Variants in ITGA1 observed in about 807,000 individuals in gnomAD.
ITGA1 encodes the protein integrin subunit alpha 1.
In ITGA1, 85 loss-of-function variants were observed where a neutral mutation model predicts 145.9. That is an observed-to-expected ratio of 0.58 (90% CI 0.49 to 0.70). The LOEUF (loss-of-function observed/expected upper bound fraction) is 0.70. ITGA1 is among the 30% of genes least tolerant of loss of function. The pLI is 0.00. For missense variants in ITGA1, 1,351 were observed against 1,418.7 expected, an observed-to-expected ratio of 0.95 and a Z score of 0.77; for synonymous variants, 520 against 495.3, an observed-to-expected ratio of 1.05 and a Z score of -0.66.
intron 1 of ITGA1, chr5:52,801,212 A>G (rs1561212066): frequency 7.5e-7 from 1 of 1,325,058 alleles, no homozygotes; most frequent in Non-Finnish European, 1.0e-6. Context: ...AAATAAGAAG[A>G]GAAAGTCTTT....
intron 13 of ITGA1, among the ~76,000 whole-genome samples, chr5:52,909,581 T>G (rs975834355): frequency 6.6e-6 from 1 of 152,192 alleles, no homozygotes; most frequent in Admixed American, 6.6e-5. Context: ...AAAGCCAGTG[T>G]TTATCTATTT....
chr5:52,950,503 A>G (rs991706269), intron 28 of ITGA1, among the ~76,000 whole-genome samples: 2 of 152,208 alleles, frequency 1.3e-5, no homozygotes, highest in African/African-American at 2.4e-5. Context: ...ACAAGGGATC[A>G]TGAAGCAAAC....
chr5:52,873,509 T>A (rs1396746830), intron 6 of ITGA1, among the ~76,000 whole-genome samples: 1 of 152,226 alleles, frequency 6.6e-6, no homozygotes, highest in Non-Finnish European at 1.5e-5. Flanking sequence ...TAGGAAATAA[T>A]CATCTACCTG....
At position 52,925,506 on chromosome 5, in the gene ITGA1, A is replaced by G. The variant is rs1579723634; in HGVS notation, c.2613+19A>G. On this transcript the variant is annotated intron_variant, in intron 19 of 28. Transcript: ENST00000282588. ...AATTGAGGTAAACTTCCAGTTTTTC[A>G]TTTATTTGTTCTCTTAACATCATTT... 1.3e-6 allele frequency: 2 copies of G among 1,561,050 alleles called. No individual in the cohort carries two copies. The highest frequency in any genetic ancestry group is 1.8e-6 in the Non-Finnish European group (2 of 1,132,190).
chr5:52,840,299 T>C (rs539818236), intron 1 of ITGA1, among the ~76,000 whole-genome samples: 1 of 152,324 alleles, frequency 6.6e-6, no homozygotes, highest in African/African-American at 2.4e-5. Context: ...CCCTGCTTTG[T>C]TTTGAAGCGT....
intron 9 of ITGA1, among the ~76,000 whole-genome samples, chr5:52,896,193 C>A (rs1750220809): frequency 6.6e-6 from 1 of 152,124 alleles, no homozygotes; most frequent in African/African-American, 2.4e-5. Context: ...ATATAGTGGT[C>A]TATTACCATG....
chr5:52,928,938 A>C (rs1579725505), intron 20 of ITGA1, among the ~76,000 whole-genome samples: 1 of 152,236 alleles, frequency 6.6e-6, no homozygotes, highest in Non-Finnish European at 1.5e-5. Flanking sequence ...TCTCCCAAAA[A>C]GTCAGACAAA....
chr5:52,861,511 C>A lies in ITGA1; in HGVS notation c.247C>A (p.Pro83Thr). Residue 83 changes from proline to threonine, a missense_variant, in exon 3 of 29, where the codon CCA becomes ACA. Pro to Thr is a conservative substitution (Grantham distance 38). Coordinates refer to ENST00000282588, the MANE Select transcript of ITGA1 (RefSeq NM_181501.2). ...KNRTGDVYKC[P>T]VGRGESLPCV... ...CAGAACTGGAGATGTCTATAAGTGT[C>A]CAGTTGGGAGAGGTGAATCATTACC... 2 of 1,613,678 alleles carry A rather than the reference C, an allele frequency of 1.2e-6. No individual in the cohort carries two copies. The highest frequency in any genetic ancestry group is 1.7e-6 in the Non-Finnish European group (2 of 1,179,714).
chr5:52,809,223 GC>G (rs1228776391), intron 1 of ITGA1, among the ~76,000 whole-genome samples: 1 of 152,048 alleles, frequency 6.6e-6, no homozygotes, highest in African/African-American at 2.4e-5. Context: ...GACTCTAATA[GC>G]CCCCAGTGAT....
chr5:52,905,980 C>A, intron 12 of ITGA1, 72 bp downstream of exon 12: 2 of 1,386,114 alleles, frequency 1.4e-6, no homozygotes, highest in Non-Finnish European at 2.0e-6. Flanking sequence ...GTCTATTGTC[C>A]TAAACTTAAA....
chr5:52,818,085 A>G (rs565767941), intron 1 of ITGA1, among the ~76,000 whole-genome samples: 1 of 152,362 alleles, frequency 6.6e-6, no homozygotes, highest in South Asian at 2.1e-4. Context: ...CCTGGCCTAG[A>G]GCATGATATA....
At chr5:52,926,430 CT>C (rs1342115353) in intron 19 of ITGA1, among the ~76,000 whole-genome samples, 1 of 151,820 alleles carries the variant, frequency 6.6e-6, no homozygotes, top group Non-Finnish European at 1.5e-5. Flanking sequence ...GTGAAACCCC[CT>C]CTCTACTAAA....
At chr5:52,916,228 T>C (rs1194697554) in intron 15 of ITGA1, among the ~76,000 whole-genome samples, 1 of 152,176 alleles carries the variant, frequency 6.6e-6, no homozygotes, top group Non-Finnish European at 1.5e-5. Flanking sequence ...CTGTTCTGTT[T>C]GAAAGAAATT....
chr5:52,876,211 T>G (rs1178474136), intron 6 of ITGA1, among the ~76,000 whole-genome samples: 1 of 152,216 alleles, frequency 6.6e-6, no homozygotes, highest in Admixed American at 6.5e-5. Flanking sequence ...ACATTATGCT[T>G]GTTTTATTAG....
intron 28 of ITGA1, 23 bp downstream of exon 28, chr5:52,947,484 C>T (rs769603927): frequency 3.7e-6 from 5 of 1,350,928 alleles, no homozygotes; most frequent in Admixed American, 3.4e-5. Flanking sequence ...ATTCCTTTGA[C>T]TCTCTACTTC....
chr5:52,925,414 A>C lies in ITGA1; in HGVS notation c.2540A>C (p.Asn847Thr). The part of the protein sequence containing the change: ...DKFNVSLTVK[N>T]TKDSAYNTRT... ...TTCAACGTTAGCCTCACAGTCAAAA[A>C]TACAAAGGACAGTGCCTATAACACC... The change falls in exon 19 of 29, where the codon AAT becomes ACT. Residue 847 changes from asparagine to threonine, a missense_variant. Asn to Thr is a moderately conservative substitution (Grantham distance 65, BLOSUM62 0). Coordinates refer to ENST00000282588, the MANE Select transcript of ITGA1 (RefSeq NM_181501.2). 1 of 1,614,176 alleles carries C rather than the reference A, an allele frequency of 6.2e-7. No homozygotes were observed. The highest frequency in any genetic ancestry group is 8.5e-7 in the Non-Finnish European group (1 of 1,179,992).
At chr5:52,868,549 T>C (rs1443456308) in intron 6 of ITGA1, among the ~76,000 whole-genome samples, 1 of 152,220 alleles carries the variant, frequency 6.6e-6, no homozygotes, top group East Asian at 1.9e-4. Context: ...AATTCTAGCC[T>C]GCCAGAGTGG....
intron 1 of ITGA1, among the ~76,000 whole-genome samples, chr5:52,838,839 G>A (rs1300624259): frequency 2.6e-5 from 4 of 152,196 alleles, no homozygotes; most frequent in Admixed American, 6.5e-5. Flanking sequence ...ACTCACGCCT[G>A]TAATCCCAGC....
At position 52,908,957 on chromosome 5, in the gene ITGA1, T is replaced by A; in HGVS notation, c.1515T>A (p.Thr505=). 1 of 1,613,858 alleles carries A rather than the reference T, an allele frequency of 6.2e-7. No individual in the cohort carries two copies. The highest frequency in any genetic ancestry group is 8.5e-7 in the Non-Finnish European group (1 of 1,179,798). ...CTGACATTGACAAGGATTCTAATAC[T>A]GACATTCTTCTAGTCGGAGCCCCTA... ...TTTDIDKDSN[T]DILLVGAPMY... Residue 505 remains threonine, a synonymous_variant, in exon 13 of 29, where the codon ACT becomes ACA. Coordinates refer to ENST00000282588, the MANE Select transcript of ITGA1 (RefSeq NM_181501.2).
Sources: allele counts gnomAD v4.1 joint callset (sites outside exome capture counted in the v4.1 genomes callset), GRCh38; gene constraint gnomAD v4.1.1; transcripts MANE v1.5; gene names NCBI Gene and HGNC (gene_info 2026-07-23, HGNC 2026-07-21).